The following PBRM1 variants were observed in gnomAD, a reference collection of about 807,000 sequenced individuals.
The protein encoded by PBRM1 is protein polybromo-1.
In PBRM1, 27 loss-of-function variants were observed where a neutral mutation model predicts 194.5. The ratio of observed to expected loss-of-function variants is 0.14; its 90% CI spans 0.10 to 0.19. The LOEUF (loss-of-function observed/expected upper bound fraction) is 0.19. PBRM1 is among the 10% of genes least tolerant of loss of function. The probability of loss-of-function intolerance (pLI) is 1.00; values close to 1 mark genes in which losing one functional copy is unlikely to be tolerated. For synonymous variants in PBRM1, 655 were observed against 693.2 expected (o/e 0.94, Z 0.87); for missense variants, 1,466 against 2,077.2 (o/e 0.71, Z 5.72).
chr3:52,633,259 C>T (rs551706121), intron 11 of PBRM1, among the ~76,000 whole-genome samples: 1 of 151,982 alleles, frequency 6.6e-6, no homozygotes, highest in Non-Finnish European at 1.5e-5. Context: ...ATACTCATAT[C>T]AATAGAATCA....
intron 26 of PBRM1, among the ~76,000 whole-genome samples, chr3:52,557,017 A>G (rs1164695873): frequency 6.6e-6 from 1 of 151,892 alleles, no homozygotes; most frequent in Non-Finnish European, 1.5e-5. Context: ...ACAGTGCCAC[A>G]ACGTCACACA....
exon 19 of PBRM1, chr3:52,587,417 C>G: frequency 6.2e-7 from 1 of 1,610,398 alleles, no homozygotes; most frequent in Non-Finnish European, 8.5e-7. Context: ...GTAATAGTCA[C>G]TCTTAAAAAC....
chr3:52,597,780 T>G (rs1186562044), intron 17 of PBRM1, among the ~76,000 whole-genome samples: 2 of 151,518 alleles, frequency 1.3e-5, no homozygotes, highest in Non-Finnish European at 2.9e-5. Context: ...CTCGGCTCAC[T>G]GCAACCTCTG....
intron 17 of PBRM1, among the ~76,000 whole-genome samples, chr3:52,592,127 T>G (rs1219289270): frequency 2.0e-5 from 3 of 147,818 alleles, no homozygotes; most frequent in Non-Finnish European, 3.0e-5. Context: ...ACCAGGTTTT[T>G]TTTTTTTTTT....
intron 4 of PBRM1, 91 bp from the exon 6 acceptor site, chr3:52,658,406 C>A: frequency 9.3e-6 from 6 of 641,750 alleles, no homozygotes; most frequent in Non-Finnish European, 7.9e-6. Context: ...TAATTCAAAA[C>A]AGCAACTTTT....
At chr3:52,661,634 A>C (rs11715796) in intron 4 of PBRM1, among the ~76,000 whole-genome samples, 5,923 of 152,272 alleles carry the variant, frequency 0.039, 159 homozygotes, top group Non-Finnish European at 0.055. Flanking sequence ...TAGAACAATA[A>C]AAAAGAGCCA....
chr3:52,656,071 T>A (rs1414725210), intron 5 of PBRM1, among the ~76,000 whole-genome samples: 1 of 152,156 alleles, frequency 6.6e-6, no homozygotes, highest in Non-Finnish European at 1.5e-5. Context: ...TGAAAGTATA[T>A]CCTTACCTAG....
intron 13 of PBRM1, among the ~76,000 whole-genome samples, chr3:52,625,886 T>C (rs1421151667): frequency 2.0e-5 from 3 of 152,260 alleles, no homozygotes; most frequent in Admixed American, 6.5e-5. Context: ...CCAAAAACTT[T>C]AGCTTATTTG....
chr3:52,597,035 T>G (rs1018245698), intron 17 of PBRM1, among the ~76,000 whole-genome samples: 1 of 152,120 alleles, frequency 6.6e-6, no homozygotes, highest in Admixed American at 6.6e-5. Flanking sequence ...GGCTGGACAA[T>G]TCCCCTCTGA....
chr3:52,587,569 AC>A, intron 18 of PBRM1, 59 bp from the exon 21 acceptor site: 6 of 969,342 alleles, frequency 6.2e-6, no homozygotes, highest in Non-Finnish European at 8.5e-6. Context: ...AACAGAAATC[AC>A]TTTTTTTTTT....
intron 10 of PBRM1, among the ~76,000 whole-genome samples, chr3:52,641,109 TAGG>T (rs2096062180): frequency 2.0e-5 from 3 of 152,096 alleles, no homozygotes; most frequent in Non-Finnish European, 4.4e-5. Context: ...GAAATTTCTA[TAGG>T]AGATTTAGTT....
intron 13 of PBRM1, among the ~76,000 whole-genome samples, chr3:52,621,429 C>T (rs539346768): frequency 9.5e-4 from 145 of 152,310 alleles, no homozygotes; most frequent in Admixed American, 1.9e-3. Context: ...TCCCAAAGTG[C>T]TAGGATTACA....
At chr3:52,608,132 G>C (rs1051464202) in intron 16 of PBRM1, among the ~76,000 whole-genome samples, 4 of 152,054 alleles carry the variant, frequency 2.6e-5, no homozygotes, top group Non-Finnish European at 4.4e-5. Context: ...TCCCTTAAGC[G>C]TAAGTCCTGG....
chr3:52,663,359 G>C (rs1253610256), intron 3 of PBRM1, among the ~76,000 whole-genome samples: 2 of 152,160 alleles, frequency 1.3e-5, no homozygotes, highest in Admixed American at 1.3e-4. Context: ...TACTGCCAGG[G>C]AGCAAGGACG....
chr3:52,679,659 T>C (rs1430148210), exon 1 of PBRM1: 1 of 1,613,948 alleles, frequency 6.2e-7, no homozygotes, highest in Non-Finnish European at 8.5e-7. Context: ...ATCATCAAAG[T>C]CCCCGCTGAC....
chr3:52,618,603 T>C (rs1229304170), intron 13 of PBRM1, among the ~76,000 whole-genome samples: 1 of 151,224 alleles, frequency 6.6e-6, no homozygotes, highest in Non-Finnish European at 1.5e-5. Context: ...TTTTTTTTTT[T>C]TTTTTTTTGA....
At chr3:52,618,810 G>C (rs1451921426) in intron 13 of PBRM1, among the ~76,000 whole-genome samples, 5 of 151,730 alleles carry the variant, frequency 3.3e-5, no homozygotes, top group Admixed American at 1.3e-4. Flanking sequence ...GGAGTGCAAC[G>C]GTGTGATCTC....
chr3:52,564,538 G>A (rs548993359), intron 22 of PBRM1, among the ~76,000 whole-genome samples: 24 of 151,880 alleles, frequency 1.6e-4, no homozygotes, highest in African/African-American at 4.3e-4. Flanking sequence ...CCAGCTACTC[G>A]GGAGGCTGAG....
rs370997373 is a variant in PBRM1 at position 52,651,727 on chromosome 3, T to C, written c.714+15A>G. 2.0e-6 allele frequency: 3 copies of C among 1,480,778 alleles called. No homozygotes were observed. The highest frequency in any genetic ancestry group is 1.4e-5 in the African/African-American group (1 of 71,274). 91.7% of individuals were successfully genotyped at this position (1,480,778 alleles called of 1,614,324 possible). ...GCTCTAAACCACAATCATTTACTTA[T>C]GGTCATCTTCATACCTGTATCCTCT... On this transcript the variant is annotated intron_variant, in intron 6 of 29. Coordinates refer to ENST00000296302, the Ensembl canonical transcript of PBRM1.
Sources: allele counts gnomAD v4.1 joint callset (sites outside exome capture counted in the v4.1 genomes callset), GRCh38; gene constraint gnomAD v4.1.1; transcripts MANE v1.5; gene names NCBI Gene and HGNC (gene_info 2026-07-23, HGNC 2026-07-21).